Variants in HECW1 observed in about 807,000 individuals in gnomAD.
HECW1 encodes E3 ubiquitin-protein ligase HECW1.
Under a neutral mutation model 182.3 loss-of-function variants are expected in HECW1, and 61 were observed. The ratio of observed to expected loss-of-function variants is 0.33; its 90% CI spans 0.27 to 0.41. The LOEUF (loss-of-function observed/expected upper bound fraction) is 0.41. Among genes scored for constraint, HECW1 ranks in the 10% least tolerant of loss-of-function variants. HECW1 has a pLI of 1.00. For missense variants in HECW1, 1,739 were observed against 2,108.9 expected (o/e 0.82, Z 3.44); for synonymous variants, 859 against 832.6 (o/e 1.03, Z -0.55).
At chr7:43,162,583 A>T (rs79802120) in intron 2 of HECW1, among the ~76,000 whole-genome samples, 3,102 of 152,342 alleles carry the variant, frequency 0.02, 35 homozygotes, top group Non-Finnish European at 0.032. Flanking sequence ...CTTTTCCCAG[A>T]TAAGGTCATA....
At chr7:43,336,334 TA>T (rs1345944217) in intron 5 of HECW1, among the ~76,000 whole-genome samples, 3 of 151,414 alleles carry the variant, frequency 2.0e-5, no homozygotes, top group Middle Eastern at 3.4e-3. Flanking sequence ...CCCAGCTACT[TA>T]AAAAAAAATT....
chr7:43,330,562 T>G (rs79809559), intron 5 of HECW1, among the ~76,000 whole-genome samples: 99 of 152,296 alleles, frequency 6.5e-4, no homozygotes, highest in African/African-American at 2.3e-3. Context: ...AGCAAGGCCC[T>G]GGAAGTCAAG....
chr7:43,514,329 G>A (rs868321817), intron 24 of HECW1, among the ~76,000 whole-genome samples: 3 of 137,162 alleles, frequency 2.2e-5, no homozygotes, highest in Non-Finnish European at 3.1e-5. Context: ...ATGGAATTTC[G>A]CTCTTGTCCC....
At chr7:43,335,393 G>C (rs1379837315) in intron 5 of HECW1, among the ~76,000 whole-genome samples, 1 of 152,222 alleles carries the variant, frequency 6.6e-6, no homozygotes, top group East Asian at 1.9e-4. Flanking sequence ...ATGTTTGTGA[G>C]TGGGCCCTCC....
intron 17 of HECW1, among the ~76,000 whole-genome samples, chr7:43,490,396 A>G (rs925907990): frequency 9.2e-5 from 14 of 152,346 alleles, no homozygotes; most frequent in African/African-American, 3.4e-4. Flanking sequence ...TCTTTGATCA[A>G]TTAAACTCTG....
intron 8 of HECW1, among the ~76,000 whole-genome samples, chr7:43,412,305 C>T (rs1386953310): frequency 2.0e-5 from 3 of 151,782 alleles, no homozygotes; most frequent in Non-Finnish European, 2.9e-5. Context: ...CATTATAAAC[C>T]CTACATGACG....
chr7:43,461,134 T>C (rs1209916050), intron 13 of HECW1, among the ~76,000 whole-genome samples: 1 of 152,184 alleles, frequency 6.6e-6, no homozygotes, highest in Non-Finnish European at 1.5e-5. Flanking sequence ...TACCGTTATT[T>C]CTCATGGTTC....
chr7:43,232,565 T>A (rs1307843744), intron 2 of HECW1, among the ~76,000 whole-genome samples: 1 of 152,224 alleles, frequency 6.6e-6, no homozygotes, highest in East Asian at 1.9e-4. Flanking sequence ...TGGGCTCAGA[T>A]GTGCTTCTGA....
chr7:43,402,077 A>G (rs1431230316), intron 7 of HECW1, among the ~76,000 whole-genome samples: 2 of 152,050 alleles, frequency 1.3e-5, no homozygotes, highest in African/African-American at 4.8e-5. Flanking sequence ...TCCTCTTTCC[A>G]GCTCACCACT....
chr7:43,267,330 A>G (rs2152738370), intron 3 of HECW1, among the ~76,000 whole-genome samples: 1 of 152,284 alleles, frequency 6.6e-6, no homozygotes, highest in Admixed American at 6.5e-5. Flanking sequence ...TAAAATTTCA[A>G]ACATTTTCAG....
At chr7:43,453,022 C>T (rs1336645669) in intron 12 of HECW1, among the ~76,000 whole-genome samples, 1 of 152,224 alleles carries the variant, frequency 6.6e-6, no homozygotes, top group Non-Finnish European at 1.5e-5. Flanking sequence ...CCAGATCATG[C>T]AGGGCCTTGT....
intron 2 of HECW1, among the ~76,000 whole-genome samples, chr7:43,188,420 C>CT (rs1341897234): frequency 2.0e-5 from 3 of 151,594 alleles, no homozygotes; most frequent in Non-Finnish European, 4.4e-5. Flanking sequence ...TGGTTAAACT[C>CT]AAGCACACCA....
chr7:43,240,416 A>C (rs930426409), intron 2 of HECW1, among the ~76,000 whole-genome samples: 2 of 152,184 alleles, frequency 1.3e-5, no homozygotes, highest in Admixed American at 1.3e-4. Flanking sequence ...AATGATCTTG[A>C]CCTCTTCCTC....
In HECW1 at chr7:43,445,020, C is replaced by T. The variant is rs554983626; in HGVS notation, c.1848C>T (p.Asp616=). ...VAADPSALEE[D]REEPEGATPG... Reference sequence around the variant, plus strand: ...CTGACCCGTCTGCCCTGGAAGAGGACAGAGAAGAGCCCGAGGGGGCTACTC... The same window carrying T: ...CTGACCCGTCTGCCCTGGAAGAGGATAGAGAAGAGCCCGAGGGGGCTACTC... Residue 616 remains aspartate, a synonymous_variant, in exon 11 of 30, where the codon GAC becomes GAT. Coordinates refer to ENST00000395891, the MANE Select transcript of HECW1 (RefSeq NM_015052.5). The T allele has an allele frequency of 6.4e-7, 1 of 1,562,032 alleles. No homozygotes were observed. The highest frequency in any genetic ancestry group is 2.3e-5 in the East Asian group (1 of 44,308).
chr7:43,219,361 T>C (rs1471121349), intron 2 of HECW1, among the ~76,000 whole-genome samples: 1 of 152,124 alleles, frequency 6.6e-6, no homozygotes, highest in Non-Finnish European at 1.5e-5. Flanking sequence ...AAGGACCCCT[T>C]TTCCTCTCTG....
intron 28 of HECW1, among the ~76,000 whole-genome samples, chr7:43,553,473 T>G (rs1014564763): frequency 1.3e-5 from 2 of 152,028 alleles, no homozygotes; most frequent in African/African-American, 2.4e-5. Context: ...AACTCATAAG[T>G]TCGAGACCAG....
At position 43,125,651 on chromosome 7, in the gene HECW1, G is replaced by C. The variant is rs113900335; in HGVS notation, c.-32+11260G>C. Among the ~76,000 whole-genome samples the C allele has an allele frequency of 8.0e-5, 12 of 150,118 alleles. 1 individual carries two copies. The highest frequency in any genetic ancestry group is 2.7e-4 in the African/African-American group (11 of 40,952). ...CACATGGCTGTAATCCCAGCTACTT[G>C]GGAGGCTAAGGCAGGAGAATTGCTT... On this transcript the variant is annotated intron_variant, in intron 2 of 29. Coordinates refer to ENST00000395891, the MANE Select transcript of HECW1 (RefSeq NM_015052.5).
intron 2 of HECW1, among the ~76,000 whole-genome samples, chr7:43,155,510 A>T (rs1789787850): frequency 6.6e-6 from 1 of 152,226 alleles, no homozygotes; most frequent in East Asian, 1.9e-4. Flanking sequence ...TTTACTAAAA[A>T]TTATTATAAA....
intron 3 of HECW1, among the ~76,000 whole-genome samples, chr7:43,260,917 T>C (rs564678445): frequency 1.3e-5 from 2 of 152,332 alleles, no homozygotes; most frequent in Admixed American, 1.3e-4. Flanking sequence ...TGCCAAGCAC[T>C]ATTCTAAGAA....
Sources: allele counts gnomAD v4.1 joint callset (sites outside exome capture counted in the v4.1 genomes callset), GRCh38; gene constraint gnomAD v4.1.1; transcripts MANE v1.5; gene names NCBI Gene and HGNC (gene_info 2026-07-23, HGNC 2026-07-21).